TMEFF2: variants seen among roughly 807,000 people sequenced by gnomAD.
TMEFF2 encodes transmembrane protein with EGF like and two follistatin like domains 2.
TMEFF2 carries 28 observed loss-of-function variants against 53.8 expected under a neutral mutation model. The observed-to-expected ratio is 0.52, with a 90% confidence interval of 0.39 to 0.71. TMEFF2 has a LOEUF of 0.71. Ranked by LOEUF, TMEFF2 falls within the 30% of genes least tolerant of loss-of-function variation. TMEFF2 has a pLI of 0.00. For missense variants in TMEFF2, 353 were observed against 455.2 expected (o/e 0.78, Z 2.04); for synonymous variants, 162 against 166.3 (o/e 0.97, Z 0.20).
chr2:191,953,551 G>T, intron 9 of TMEFF2, 128 bp downstream of exon 9: 2 of 958,362 alleles, frequency 2.1e-6, no homozygotes, highest in Non-Finnish European at 3.0e-6. Context: ...TTATGCTAAG[G>T]ACATAGGACT....
intron 4 of TMEFF2, among the ~76,000 whole-genome samples, chr2:192,110,903 T>C (rs1220448011): frequency 6.6e-6 from 1 of 152,146 alleles, no homozygotes; most frequent in Non-Finnish European, 1.5e-5. Context: ...ATAAGTCTCA[T>C]GAGATCTGAT....
At chr2:192,038,140 C>G (rs2105882430) in intron 5 of TMEFF2, 1 of 152,284 alleles carries the variant, frequency 6.6e-6, no homozygotes, top group East Asian at 1.9e-4. Context: ...ATGTAAAAGT[C>G]CTTTGAGTCT....
At chr2:192,020,936 GT>G (rs1243173224) in intron 5 of TMEFF2, among the ~76,000 whole-genome samples, 1 of 152,010 alleles carries the variant, frequency 6.6e-6, no homozygotes, top group African/African-American at 2.4e-5. Flanking sequence ...TACATTTCTT[GT>G]TTTACTTTTG....
At chr2:192,081,291 C>A (rs1308733850) in intron 4 of TMEFF2, among the ~76,000 whole-genome samples, 1 of 152,152 alleles carries the variant, frequency 6.6e-6, no homozygotes, top group Non-Finnish European at 1.5e-5. Context: ...AGCTTGTCTA[C>A]TTTAATACTA....
intron 5 of TMEFF2, among the ~76,000 whole-genome samples, chr2:192,028,193 G>A (rs1486158500): frequency 6.6e-6 from 1 of 152,032 alleles, no homozygotes; most frequent in African/African-American, 2.4e-5. Context: ...GAGGTGACTT[G>A]CTCCTCCTTG....
chr2:192,039,556 A>T (rs1687422719), intron 5 of TMEFF2, among the ~76,000 whole-genome samples: 1 of 152,228 alleles, frequency 6.6e-6, no homozygotes, highest in Admixed American at 6.5e-5. Context: ...AGTAAAATAA[A>T]ATATTTACAG....
chr2:192,106,863 A>C (rs1020656185), intron 4 of TMEFF2, among the ~76,000 whole-genome samples: 1 of 151,720 alleles, frequency 6.6e-6, no homozygotes. Context: ...ATTATTTCCC[A>C]TTCAGTGAAC....
At chr2:192,189,506 C>A (rs1691406647) in intron 2 of TMEFF2, among the ~76,000 whole-genome samples, 1 of 120,544 alleles carries the variant, frequency 8.3e-6, no homozygotes, top group Non-Finnish European at 1.6e-5. Flanking sequence ...GAGGGCATCA[C>A]CACTATCCAG....
chr2:191,984,619 G>A (rs1685932673), intron 7 of TMEFF2, among the ~76,000 whole-genome samples: 1 of 152,022 alleles, frequency 6.6e-6, no homozygotes, highest in Non-Finnish European at 1.5e-5. Flanking sequence ...TCTTTTCTAA[G>A]GCTAAATAAT....
intron 4 of TMEFF2, among the ~76,000 whole-genome samples, chr2:192,154,227 T>G (rs1690454080): frequency 6.6e-6 from 1 of 151,884 alleles, no homozygotes; most frequent in African/African-American, 2.4e-5. Context: ...AGAAGTGGTG[T>G]ATGTTTGTGG....
chr2:191,978,261 G>C (rs955230357), intron 7 of TMEFF2, among the ~76,000 whole-genome samples: 4 of 152,066 alleles, frequency 2.6e-5, no homozygotes, highest in African/African-American at 9.7e-5. Context: ...AATGGAAAGC[G>C]ATCGGCCAGC....
chr2:191,965,873 A>G (rs185829652), intron 7 of TMEFF2, among the ~76,000 whole-genome samples: 17 of 152,250 alleles, frequency 1.1e-4, no homozygotes, highest in African/African-American at 3.1e-4. Context: ...CCTCTGACCT[A>G]AAACCACTCT....
intron 4 of TMEFF2, among the ~76,000 whole-genome samples, chr2:192,164,978 C>CTGTGTG (rs71033662): frequency 0.019 from 2,700 of 145,198 alleles, 78 homozygotes; most frequent in African/African-American, 0.061. Context: ...TGAATAAAAA[C>CTGTGTG]TGTGTGTGTG....
intron 5 of TMEFF2, chr2:192,044,499 T>G (rs1016455799): frequency 2.6e-5 from 4 of 152,232 alleles, no homozygotes; most frequent in African/African-American, 9.6e-5. Flanking sequence ...ACTCCTTATT[T>G]GAGTGTGTTA....
At chr2:192,007,203 T>C (rs28727520) in intron 5 of TMEFF2, among the ~76,000 whole-genome samples, 1 of 152,210 alleles carries the variant, frequency 6.6e-6, no homozygotes, top group African/African-American at 2.4e-5. Context: ...ATATGGCACA[T>C]ACTCCATGCA....
intron 5 of TMEFF2, among the ~76,000 whole-genome samples, chr2:192,040,701 A>T (rs539753667): frequency 6.6e-6 from 1 of 152,126 alleles, no homozygotes; most frequent in African/African-American, 2.4e-5. Context: ...AACCATAGAA[A>T]CCTTATAGAG....
chr2:192,169,113 T>C (rs1237617855), intron 4 of TMEFF2, among the ~76,000 whole-genome samples: 1 of 152,114 alleles, frequency 6.6e-6, no homozygotes, highest in South Asian at 2.1e-4. Flanking sequence ...TTTTCTAATA[T>C]ACAGGTATTA....
At chr2:192,074,926 ATGTG>A (rs1688372669) in intron 4 of TMEFF2, among the ~76,000 whole-genome samples, 1 of 151,798 alleles carries the variant, frequency 6.6e-6, no homozygotes, top group Non-Finnish European at 1.5e-5. Context: ...ATGATCATAT[ATGTG>A]TGGTGTGTCT....
rs549568457 is a variant in TMEFF2 at position 192,114,895 on chromosome 2, T to G, written c.440-57120A>C. Among the ~76,000 whole-genome samples, 15 of 152,104 alleles carry G rather than the reference T, an allele frequency of 9.9e-5. No individual in the cohort carries two copies. The South Asian group carries it at 2.7e-3, about 27-fold the overall frequency. The stretch of plus-strand genomic sequence containing the variant: ...AAAGCATGGGTGATGATGAATGTGT[T>G]AATTGATATTATTGTGATAAACATC... On this transcript the variant is annotated intron_variant, in intron 4 of 9. Coordinates refer to ENST00000272771, the MANE Select transcript of TMEFF2 (RefSeq NM_016192.4).
Sources: gnomAD v4.1 joint callset for allele counts (sites outside exome capture counted in the v4.1 genomes callset) on GRCh38, gnomAD v4.1.1 for gene constraint, MANE v1.5 for transcripts, NCBI Gene and HGNC (gene_info 2026-07-23, HGNC 2026-07-21) for gene names.